The following TNS3 variants were observed in gnomAD, a reference collection of about 807,000 sequenced individuals.
TNS3 encodes tensin 3, also known as tensin-3.
TNS3 carries 45 observed loss-of-function variants against 140.9 expected under a neutral mutation model. That is an observed-to-expected ratio of 0.32 (90% CI 0.25 to 0.41). TNS3 has a LOEUF of 0.41. Ranked by LOEUF, TNS3 falls within the 10% of genes least tolerant of loss-of-function variation. TNS3 has a pLI of 1.00. For missense variants in TNS3, 1,716 were observed against 1,906.7 expected (o/e 0.90, Z 1.86); for synonymous variants, 815 against 788.4 (o/e 1.03, Z -0.56).
At chr7:47,492,088 G>C (rs1428342182) in intron 3 of TNS3, among the ~76,000 whole-genome samples, 4 of 152,202 alleles carry the variant, frequency 2.6e-5, no homozygotes, top group African/African-American at 9.7e-5. Flanking sequence ...CTACTGAGTG[G>C]GGACCTTAAC....
chr7:47,373,446 C>A (rs957394609), intron 16 of TNS3, among the ~76,000 whole-genome samples: 9 of 152,210 alleles, frequency 5.9e-5, no homozygotes, highest in Non-Finnish European at 8.8e-5. Context: ...ATTAAAGGCT[C>A]TTCCCATAGT....
intron 4 of TNS3, among the ~76,000 whole-genome samples, chr7:47,450,804 C>T (rs1795979740): frequency 6.6e-6 from 1 of 152,242 alleles, no homozygotes; most frequent in South Asian, 2.1e-4. Context: ...CGTTCCCTGC[C>T]TCTCCTTGTC....
intron 3 of TNS3, 83 bp from the exon 4 acceptor site, chr7:47,481,224 CTGAA>C: frequency 9.7e-7 from 1 of 1,035,150 alleles, no homozygotes; most frequent in East Asian, 5.9e-5. Flanking sequence ...CTCCCAAAGA[CTGAA>C]TGAAACTGTC....
intron 30 of TNS3, chr7:47,278,447 G>A (rs946648343): frequency 2.2e-5 from 12 of 542,102 alleles, no homozygotes; most frequent in Non-Finnish European, 3.9e-5. Context: ...GGACCCTGAG[G>A]CTGAGAGGTG....
intron 13 of TNS3, among the ~76,000 whole-genome samples, chr7:47,409,583 G>C (rs1176470648): frequency 1.3e-5 from 2 of 152,178 alleles, no homozygotes; most frequent in African/African-American, 4.8e-5. Context: ...TCCCAGGGCA[G>C]GTAGAACACT....
At chr7:47,356,757 G>A (rs764894944) in intron 17 of TNS3, among the ~76,000 whole-genome samples, 2 of 152,038 alleles carry the variant, frequency 1.3e-5, no homozygotes, top group African/African-American at 2.4e-5. Flanking sequence ...AAATAAATAC[G>A]ATGATAAATA....
intron 1 of TNS3, among the ~76,000 whole-genome samples, chr7:47,573,284 C>T (rs1018027293): frequency 6.6e-6 from 1 of 152,208 alleles, no homozygotes; most frequent in Admixed American, 6.5e-5. Flanking sequence ...CAAGCCTATT[C>T]TTCCCTTATG....
At chr7:47,578,536 G>A (rs993245190) in intron 1 of TNS3, among the ~76,000 whole-genome samples, 1 of 149,728 alleles carries the variant, frequency 6.7e-6, no homozygotes, top group East Asian at 2.0e-4. Flanking sequence ...GTAGAGCTGC[G>A]CCAGGTGCAT....
rs539791222 is a variant in TNS3 at position 47,472,133 on chromosome 7, C to T, written c.-76+8970G>A. On this transcript the variant is annotated intron_variant, in intron 4 of 30. Coordinates refer to ENST00000311160, the MANE Select transcript of TNS3 (RefSeq NM_022748.12). ...TGCCTCTGTCATCACCTGGCTTTCT[C>T]CCTGTGTCTGCATCCTCTCCTCTTC... 5.9e-5 allele frequency among the ~76,000 whole-genome samples: 9 copies of T among 152,366 alleles called. No individual in the cohort carries two copies. The South Asian group carries it at 1.9e-3, about 32-fold the overall frequency.
At chr7:47,556,753 G>A (rs929314463) in intron 1 of TNS3, among the ~76,000 whole-genome samples, 5 of 152,222 alleles carry the variant, frequency 3.3e-5, no homozygotes, top group Non-Finnish European at 7.3e-5. Context: ...GCAAAGTGCG[G>A]GCCCCAGGCC....
intron 3 of TNS3, among the ~76,000 whole-genome samples, chr7:47,498,081 T>C (rs884972): frequency 0.65 from 98,073 of 152,024 alleles, 32,002 homozygotes; most frequent in Admixed American, 0.72. Flanking sequence ...AGCACGCTTG[T>C]CCAAATTATT....
chr7:47,537,184 G>T (rs536653597), intron 1 of TNS3, among the ~76,000 whole-genome samples: 2 of 152,008 alleles, frequency 1.3e-5, no homozygotes, highest in East Asian at 1.9e-4. Flanking sequence ...GCGGCTATCT[G>T]GGGGGAGGAT....
intron 20 of TNS3, among the ~76,000 whole-genome samples, chr7:47,306,092 T>C (rs1046002079): frequency 1.3e-5 from 2 of 152,106 alleles, no homozygotes; most frequent in African/African-American, 4.8e-5. Flanking sequence ...AAACCAATAA[T>C]AAAACTGAAT....
intron 4 of TNS3, among the ~76,000 whole-genome samples, chr7:47,456,858 G>A (rs1316403746): frequency 6.6e-6 from 1 of 151,766 alleles, no homozygotes; most frequent in Non-Finnish European, 1.5e-5. Context: ...ATTCCTTAAG[G>A]ACGCTTTCAG....
At chr7:47,530,971 A>G (rs1357551316) in intron 1 of TNS3, among the ~76,000 whole-genome samples, 1 of 151,408 alleles carries the variant, frequency 6.6e-6, no homozygotes, top group Non-Finnish European at 1.5e-5. Context: ...CAAAAGACAC[A>G]TTACATGCAG....
At chr7:47,538,998 G>T (rs561012601) in intron 1 of TNS3, 2 of 456,358 alleles carry the variant, frequency 4.4e-6, no homozygotes, top group African/African-American at 4.0e-5. Context: ...AAACAGCTAA[G>T]AACAGGATAT....
chr7:47,439,338 C>G lies in TNS3; in HGVS notation c.150+149G>C, dbSNP rs373721536. On this transcript the variant is annotated intron_variant, in intron 6 of 30. Transcript: ENST00000311160. ...CTCCCCAGGCGTGGCAGCAGAGAGA[C>G]AGAGGACGAAGGCGCCACGGACAGC... 138 of 833,482 alleles carry G rather than the reference C, an allele frequency of 1.7e-4. 2 individuals carry two copies. In the African/African-American group the frequency reaches 2.1e-3, roughly 12 times the overall value. 51.6% of individuals were successfully genotyped at this position (833,482 alleles called of 1,614,324 possible).
At chr7:47,498,294 C>T (rs1798087052) in intron 3 of TNS3, among the ~76,000 whole-genome samples, 1 of 152,208 alleles carries the variant, frequency 6.6e-6, no homozygotes, top group Admixed American at 6.5e-5. Context: ...GGAAAGTTAC[C>T]CTCATTTCAC....
At chr7:47,378,252 A>G (rs918680781) in intron 16 of TNS3, among the ~76,000 whole-genome samples, 10 of 152,216 alleles carry the variant, frequency 6.6e-5, no homozygotes, top group African/African-American at 2.4e-4. Flanking sequence ...CTCTGGGTGC[A>G]GAGCTGAGGG....
Sources: gnomAD v4.1 joint callset for allele counts (sites outside exome capture counted in the v4.1 genomes callset) on GRCh38, gnomAD v4.1.1 for gene constraint, MANE v1.5 for transcripts, NCBI Gene and HGNC (gene_info 2026-07-23, HGNC 2026-07-21) for gene names.